MBD5: variants seen among roughly 807,000 people sequenced by gnomAD.
MBD5 encodes methyl-CpG-binding domain protein 5.
In MBD5, 13 loss-of-function variants were observed where a neutral mutation model predicts 117.3. The ratio of observed to expected loss-of-function variants is 0.11; its 90% CI spans 0.07 to 0.18. The LOEUF is 0.18. MBD5 is among the 10% of genes least tolerant of loss of function. The probability of loss-of-function intolerance (pLI) is 1.00; values close to 1 mark genes in which losing one functional copy is unlikely to be tolerated. For missense variants in MBD5, 1,879 were observed against 2,093.8 expected, an observed-to-expected ratio of 0.90 and a Z score of 2.00; for synonymous variants, 727 against 766.4, an observed-to-expected ratio of 0.95 and a Z score of 0.85.
intron 3 of MBD5, among the ~76,000 whole-genome samples, chr2:148,329,828 G>A (rs1215760458): frequency 2.6e-5 from 4 of 152,006 alleles, no homozygotes; most frequent in Non-Finnish European, 4.4e-5. Flanking sequence ...AAAATTATTT[G>A]TAACTGTTAC....
At position 148,203,155 on chromosome 2, in the gene MBD5, T is replaced by A. The variant is rs184678307; in HGVS notation, c.-831+24362T>A. 2.5e-3 allele frequency among the ~76,000 whole-genome samples: 367 copies of A among 147,342 alleles called. 1 individual carries two copies. Among genetic ancestry groups the A allele is most frequent in the South Asian group, 6.3e-3 (29 of 4,612 alleles). ...CTAATGAATTTTTAATTTTTTACCA[T>A]AACAATTTTTAATGATTAGGAAAGT... On this transcript the variant is annotated intron_variant, in intron 2 of 13. Transcript: ENST00000642680.
chr2:148,334,240 C>T (rs1041471664), intron 3 of MBD5, among the ~76,000 whole-genome samples: 14 of 152,158 alleles, frequency 9.2e-5, no homozygotes, highest in Admixed American at 2.0e-4. Flanking sequence ...AACCAGCTTG[C>T]TTGGGTCTGC....
At chr2:148,447,120 AAAG>A (rs1706560462) in intron 4 of MBD5, among the ~76,000 whole-genome samples, 2 of 142,294 alleles carry the variant, frequency 1.4e-5, no homozygotes, top group African/African-American at 5.0e-5. Flanking sequence ...AGAAAGAAAG[AAAG>A]AAAAAGAAAG....
intron 13 of MBD5, 82 bp from the exon 14 acceptor site, chr2:148,512,788 C>G: frequency 1.6e-6 from 2 of 1,274,874 alleles, no homozygotes; most frequent in Non-Finnish European, 2.3e-6. Flanking sequence ...ATTCCCTACC[C>G]TGCTCCTTTG....
At chr2:148,216,224 A>G (rs1195767681) in intron 2 of MBD5, among the ~76,000 whole-genome samples, 1 of 152,142 alleles carries the variant, frequency 6.6e-6, no homozygotes, top group Admixed American at 6.6e-5. Flanking sequence ...ATATTAGAAG[A>G]GAAACCTGGC....
intron 2 of MBD5, among the ~76,000 whole-genome samples, chr2:148,217,953 C>A (rs1213095325): frequency 6.6e-6 from 1 of 152,024 alleles, no homozygotes; most frequent in Non-Finnish European, 1.5e-5. Context: ...TAAAACTCCC[C>A]CGATAAAAAA....
rs867023666 is a variant in MBD5, at chr2:148,021,400, C to T, written c.-1209C>T. 2 of 511,192 alleles carry T rather than the reference C, an allele frequency of 3.9e-6. No homozygotes were observed. The highest frequency in any genetic ancestry group is 1.6e-5 in the South Asian group (1 of 63,076). The allele number at this position is 511,192 out of a possible 1,614,324, so 31.7% of individuals were successfully genotyped here. A position where few individuals can be genotyped will look rare whatever the true frequency, so the allele number is the denominator to read the frequency against. On this transcript the variant is annotated 5_prime_UTR_variant, in exon 1 of 14. Transcript: ENST00000642680. ...TCCCTCCACCCTCCTCCTCTTTGGCCGTGAGAGGAGGAGAGAAAGAAACCA... is the reference window on the plus strand; with the variant it reads ...TCCCTCCACCCTCCTCCTCTTTGGCTGTGAGAGGAGGAGAGAAAGAAACCA...
chr2:148,083,620 T>TTTTTA (rs1455301193), intron 1 of MBD5, among the ~76,000 whole-genome samples: 9 of 151,874 alleles, frequency 5.9e-5, no homozygotes, highest in South Asian at 2.1e-4. Context: ...TTTTTATTTA[T>TTTTTA]TTTTATTTTA....
intron 3 of MBD5, among the ~76,000 whole-genome samples, chr2:148,335,258 G>A (rs763566326): frequency 6.6e-6 from 1 of 152,106 alleles, no homozygotes; most frequent in East Asian, 1.9e-4. Context: ...GCACATGCCT[G>A]TAGTCCCAGC....
At chr2:148,116,052 C>G (rs942620875) in intron 1 of MBD5, among the ~76,000 whole-genome samples, 4 of 151,968 alleles carry the variant, frequency 2.6e-5, no homozygotes, top group African/African-American at 9.7e-5. Flanking sequence ...CCATGTTGAC[C>G]AGGCTGGTCT....
intron 6 of MBD5, among the ~76,000 whole-genome samples, chr2:148,463,465 A>G (rs1050184209): frequency 3.3e-5 from 5 of 152,176 alleles, no homozygotes; most frequent in African/African-American, 4.8e-5. Context: ...GGAGGTATCT[A>G]AAATTGAGAA....
Position 148,468,929 on chromosome 2 carries a change from A to G in MBD5, c.986A>G (p.His329Arg), listed in dbSNP as rs764985272. The change falls in exon 8 of 14, where the codon CAC becomes CGC. Residue 329 changes from histidine (H) to arginine (R), a missense_variant. Physicochemically the swap from His to Arg is conservative, Grantham distance 29 (BLOSUM62 0). This residue lies in a region of MBD5 where 1,666 missense variants were observed against 1,792.2 expected (regional missense o/e 0.93). Transcript: ENST00000642680. ...TNMEIPRAMF[H>R]HKPPQGPPPP... Reference sequence around the variant, plus strand: ...ATGGAAATACCACGAGCAATGTTCCACCACAAACCACCCCAAGGCCCACCT... The same window carrying G: ...ATGGAAATACCACGAGCAATGTTCCGCCACAAACCACCCCAAGGCCCACCT... 1 of 1,613,856 alleles carries G rather than the reference A, an allele frequency of 6.2e-7. No homozygotes were observed. Among genetic ancestry groups the G allele is most frequent in the Admixed American group, 1.7e-5 (1 of 59,972 alleles).
chr2:148,294,262 T>A (rs1172782373), intron 3 of MBD5, among the ~76,000 whole-genome samples: 4 of 147,914 alleles, frequency 2.7e-5, no homozygotes, highest in Non-Finnish European at 5.9e-5. Context: ...TCTTGCTCTG[T>A]CATTCAGGCT....
chr2:148,320,155 G>A (rs1015363381), intron 3 of MBD5, among the ~76,000 whole-genome samples: 14 of 152,042 alleles, frequency 9.2e-5, no homozygotes, highest in African/African-American at 3.4e-4. Context: ...CTAGTTTTTT[G>A]TAGAAGATTT....
intron 4 of MBD5, among the ~76,000 whole-genome samples, chr2:148,400,658 G>T (rs544117854): frequency 6.6e-6 from 1 of 152,292 alleles, no homozygotes; most frequent in South Asian, 2.1e-4. Context: ...GTTCCCCATT[G>T]TAACATAAGC....
At chr2:148,149,465 T>C (rs1697576280) in intron 1 of MBD5, among the ~76,000 whole-genome samples, 1 of 147,708 alleles carries the variant, frequency 6.8e-6, no homozygotes, top group Admixed American at 6.8e-5. Context: ...AGTAATGGGA[T>C]GGCTGGGTCA....
intron 4 of MBD5, among the ~76,000 whole-genome samples, chr2:148,361,152 C>T (rs1040507521): frequency 6.6e-6 from 1 of 152,098 alleles, no homozygotes; most frequent in Admixed American, 6.5e-5. Flanking sequence ...TCAAAACCAG[C>T]CAGCCTGGCC....
chr2:148,417,670 A>C (rs1241550084), intron 4 of MBD5, among the ~76,000 whole-genome samples: 2 of 152,172 alleles, frequency 1.3e-5, no homozygotes, highest in Non-Finnish European at 2.9e-5. Context: ...GTAAGATGTT[A>C]TCTCATTGTG....
intron 4 of MBD5, among the ~76,000 whole-genome samples, chr2:148,425,943 T>A (rs941613461): frequency 6.6e-6 from 1 of 152,086 alleles, no homozygotes; most frequent in Non-Finnish European, 1.5e-5. Flanking sequence ...GATAAGCAAC[T>A]TCAGCAAAGT....
Sources: allele counts gnomAD v4.1 joint callset (sites outside exome capture counted in the v4.1 genomes callset), GRCh38; gene constraint gnomAD v4.1.1; regional missense constraint gnomAD v4.1.1; transcripts MANE v1.5; gene names NCBI Gene and HGNC (gene_info 2026-07-23, HGNC 2026-07-21).